The following NRXN3 variants were observed in gnomAD, a reference collection of about 807,000 sequenced individuals.
The protein encoded by NRXN3 is neurexin 3.
Under a neutral mutation model 137.6 loss-of-function variants are expected in NRXN3, and 32 were observed. That is an observed-to-expected ratio of 0.23 (90% CI 0.18 to 0.31). NRXN3 has a LOEUF of 0.31. NRXN3 is among the 10% of genes least tolerant of loss of function. The pLI, the probability that NRXN3 is intolerant of heterozygous loss-of-function variation, is 1.00. For missense variants in NRXN3, 1,574 were observed against 2,062.5 expected (o/e 0.76, Z 4.59); for synonymous variants, 798 against 784.5 (o/e 1.02, Z -0.29).
Position 79,826,350 on chromosome 14 carries a change from G to A in NRXN3, c.4093+21160G>A, listed in dbSNP as rs539389324. Among the ~76,000 whole-genome samples the A allele has an allele frequency of 1.5e-4, 23 of 152,140 alleles. No homozygotes were observed. In the South Asian group the frequency reaches 4.1e-3, roughly 27 times the overall value. Reference sequence around the variant, plus strand: ...ATAACTTTATAGTTGGAGAAAAGTTGCAAGAATAGTATATGGAATTCGTTA... The same window carrying A: ...ATAACTTTATAGTTGGAGAAAAGTTACAAGAATAGTATATGGAATTCGTTA... On this transcript the variant is annotated intron_variant, in intron 20 of 20. Transcript: ENST00000335750.
At chr14:78,588,223 T>G (rs527547430) in intron 4 of NRXN3, among the ~76,000 whole-genome samples, 15 of 152,312 alleles carry the variant, frequency 9.8e-5, no homozygotes, top group Admixed American at 5.9e-4. Context: ...GCTGATGTTT[T>G]GAATAAATGA....
chr14:78,327,594 G>A (rs986614585), intron 4 of NRXN3, among the ~76,000 whole-genome samples: 5 of 152,084 alleles, frequency 3.3e-5, no homozygotes, highest in South Asian at 2.1e-4. Flanking sequence ...TTTGGCAGAC[G>A]CATTGACTGA....
intron 4 of NRXN3, among the ~76,000 whole-genome samples, chr14:78,535,912 G>A (rs887877076): frequency 1.3e-5 from 2 of 152,162 alleles, no homozygotes; most frequent in African/African-American, 4.8e-5. Flanking sequence ...TTGATGTTGG[G>A]TAGAGCTTAG....
chr14:79,749,614 G>A (rs1234257420), intron 19 of NRXN3, among the ~76,000 whole-genome samples: 1 of 151,948 alleles, frequency 6.6e-6, no homozygotes, highest in Non-Finnish European at 1.5e-5. Context: ...CTTGCCATTT[G>A]CCATCAACAC....
chr14:78,615,916 A>G (rs1388996611), intron 4 of NRXN3, among the ~76,000 whole-genome samples: 1 of 152,158 alleles, frequency 6.6e-6, no homozygotes, highest in African/African-American at 2.4e-5. Flanking sequence ...GCTATGATTA[A>G]ATCACTATAC....
At chr14:79,199,151 T>C (rs2065564228) in intron 15 of NRXN3, among the ~76,000 whole-genome samples, 1 of 145,560 alleles carries the variant, frequency 6.9e-6, no homozygotes, top group East Asian at 2.1e-4. Context: ...TGGGCGACAG[T>C]GAGACTGCGT....
chr14:79,224,152 T>A (rs905662226), intron 15 of NRXN3, among the ~76,000 whole-genome samples: 1 of 152,132 alleles, frequency 6.6e-6, no homozygotes, highest in South Asian at 2.1e-4. Flanking sequence ...CAGTTTTAGA[T>A]GCAAGGGTAA....
intron 15 of NRXN3, among the ~76,000 whole-genome samples, chr14:79,041,132 G>T (rs2099624350): frequency 6.6e-6 from 1 of 152,084 alleles, no homozygotes. Context: ...AATAGCTGTT[G>T]ACTTTGGGCT....
intron 15 of NRXN3, among the ~76,000 whole-genome samples, chr14:79,351,865 T>A (rs2093224978): frequency 6.6e-6 from 1 of 152,204 alleles, no homozygotes; most frequent in Non-Finnish European, 1.5e-5. Context: ...TGGGCAGTAT[T>A]TATATCAAAC....
At chr14:78,411,570 C>T (rs1232084283) in intron 4 of NRXN3, among the ~76,000 whole-genome samples, 1 of 152,170 alleles carries the variant, frequency 6.6e-6, no homozygotes, top group Non-Finnish European at 1.5e-5. Flanking sequence ...GCTGTGTATT[C>T]ATTCATTGTC....
chr14:79,374,234 C>T (rs1396743610), intron 15 of NRXN3, among the ~76,000 whole-genome samples: 1 of 152,048 alleles, frequency 6.6e-6, no homozygotes, highest in Non-Finnish European at 1.5e-5. Context: ...CTCATAAGCT[C>T]CCGTAATTAA....
intron 6 of NRXN3, among the ~76,000 whole-genome samples, chr14:78,660,277 T>TATATG (rs2097827478): frequency 7.9e-6 from 1 of 126,846 alleles, no homozygotes. Flanking sequence ...ATATATATAT[T>TATATG]TGGCAACTGG....
intron 6 of NRXN3, among the ~76,000 whole-genome samples, chr14:78,672,840 T>C (rs2097951413): frequency 6.6e-6 from 1 of 152,170 alleles, no homozygotes; most frequent in South Asian, 2.1e-4. Context: ...AAGTGAAATC[T>C]GTAAGCCTGG....
chr14:78,533,247 G>A (rs900235583), intron 4 of NRXN3, among the ~76,000 whole-genome samples: 12 of 151,346 alleles, frequency 7.9e-5, no homozygotes, highest in African/African-American at 2.7e-4. Context: ...CACCACGCCC[G>A]GCTAATTTTT....
At chr14:79,663,643 C>T (rs577118799) in intron 16 of NRXN3, 135 bp from the exon 17 acceptor site, 3 of 709,980 alleles carry the variant, frequency 4.2e-6, no homozygotes, top group Non-Finnish European at 7.1e-6. Flanking sequence ...ATGTAGAATG[C>T]TATTATTATC....
At chr14:79,740,554 T>C (rs759703553) in intron 19 of NRXN3, among the ~76,000 whole-genome samples, 8 of 151,296 alleles carry the variant, frequency 5.3e-5, no homozygotes, top group Non-Finnish European at 1.2e-4. Context: ...TTTACTCATA[T>C]TGTGGTTTAA....
intron 19 of NRXN3, among the ~76,000 whole-genome samples, chr14:79,738,582 G>C (rs2098950230): frequency 6.6e-6 from 1 of 152,130 alleles, no homozygotes; most frequent in African/African-American, 2.4e-5. Context: ...TTTTGAGACA[G>C]AGTTTCACTC....
intron 15 of NRXN3, among the ~76,000 whole-genome samples, chr14:79,087,192 G>A (rs2048289971): frequency 1.3e-5 from 2 of 152,282 alleles, no homozygotes; most frequent in South Asian, 4.1e-4. Flanking sequence ...AAGCGGACGT[G>A]GTTAGGAGGA....
chr14:78,777,020 A>G (rs1345846499), intron 8 of NRXN3, among the ~76,000 whole-genome samples: 1 of 152,196 alleles, frequency 6.6e-6, no homozygotes, highest in Non-Finnish European at 1.5e-5. Context: ...CTTTTTACCT[A>G]TGAGAAAACT....
Sources: allele counts gnomAD v4.1 joint callset (sites outside exome capture counted in the v4.1 genomes callset), GRCh38; gene constraint gnomAD v4.1.1; transcripts MANE v1.5; gene names NCBI Gene and HGNC (gene_info 2026-07-23, HGNC 2026-07-21).